Variants in C3orf38 observed in about 807,000 individuals in gnomAD.
C3orf38 encodes the protein chromosome 3 open reading frame 38.
Under a neutral mutation model 28.3 loss-of-function variants are expected in C3orf38, and 18 were observed. The ratio of observed to expected loss-of-function variants is 0.64; its 90% CI spans 0.44 to 0.94. The LOEUF is 0.94. Ranked by LOEUF, C3orf38 falls within the 40% of genes least tolerant of loss-of-function variation. C3orf38 has a pLI of 0.00. For synonymous variants in C3orf38, 145 were observed against 138.1 expected, an observed-to-expected ratio of 1.05 and a Z score of -0.35; for missense variants, 364 against 396.4, an observed-to-expected ratio of 0.92 and a Z score of 0.69.
Position 88,156,174 on chromosome 3 carries a change from A to T in C3orf38, c.529A>T (p.Lys177Ter). ...WGPQHFWHDV[K>*]LRFYYNTSEQ... ...ACCACAGCACTTCTGGCATGATGTG[A>T]AGCTTAGGTTTTATTACAACACATC... The change falls in exon 3 of 3, where the codon AAG becomes TAG. Residue 177 changes from lysine to a stop codon, truncating the protein, a stop_gained. Coordinates refer to ENST00000318887, the MANE Select transcript of C3orf38 (RefSeq NM_173824.4). LOFTEE classifies it high-confidence loss of function. The T allele has an allele frequency of 6.2e-7, 1 of 1,613,850 alleles. No individual in the cohort carries two copies. The highest frequency in any genetic ancestry group is 1.6e-4 in the Middle Eastern group (1 of 6,062).
chr3:88,154,599 G>C (rs562573191), intron 2 of C3orf38, among the ~76,000 whole-genome samples: 1 of 152,250 alleles, frequency 6.6e-6, no homozygotes, highest in African/African-American at 2.4e-5. Context: ...TTCACACTAG[G>C]AAAGAATCTT....
At chr3:88,152,511 C>A (rs1289726987) in intron 1 of C3orf38, among the ~76,000 whole-genome samples, 3 of 151,800 alleles carry the variant, frequency 2.0e-5, no homozygotes, top group African/African-American at 7.3e-5. Context: ...ACCTGTAATC[C>A]CAGCACTTTG....
intron 2 of C3orf38, among the ~76,000 whole-genome samples, chr3:88,154,206 A>AG (rs1427626681): frequency 2.6e-5 from 4 of 152,070 alleles, no homozygotes; most frequent in Non-Finnish European, 5.9e-5. Flanking sequence ...TTTAAAAAAA[A>AG]TTTTCTTTTA....
At chr3:88,155,121 A>G (rs544828114) in intron 2 of C3orf38, among the ~76,000 whole-genome samples, 1 of 152,102 alleles carries the variant, frequency 6.6e-6, no homozygotes, top group Non-Finnish European at 1.5e-5. Context: ...CAGCCTCCCA[A>G]AGTGCCGGGA....
In C3orf38 at chr3:88,156,099, C is replaced by G. The variant is rs1707475993; in HGVS notation, c.454C>G (p.Leu152Val). The G allele has an allele frequency of 1.2e-6, 2 of 1,601,134 alleles. No individual in the cohort carries two copies. Among genetic ancestry groups the G allele is most frequent in the Non-Finnish European group, 1.7e-6 (2 of 1,175,396 alleles). Residue 152 changes from leucine to valine, a missense_variant, in exon 3 of 3, where the codon CTT (leucine) becomes GTT (valine). Transcript: ENST00000318887. ...GEEFCHWFFG[L>V]LNSQNPFLGP... ...AGAATTCTGTCATTGGTTCTTTGGACTTCTTAATTCTCAGAATCCTTTTCT... is the reference window on the plus strand; with the variant it reads ...AGAATTCTGTCATTGGTTCTTTGGAGTTCTTAATTCTCAGAATCCTTTTCT...
chr3:88,154,498 G>A (rs1387480251), intron 2 of C3orf38, among the ~76,000 whole-genome samples: 1 of 151,752 alleles, frequency 6.6e-6, no homozygotes, highest in Non-Finnish European at 1.5e-5. Flanking sequence ...TTTAAGTGTT[G>A]CTTGAATTAA....
At chr3:88,153,521 T>C in intron 2 of C3orf38, 50 bp downstream of exon 2, 1 of 1,589,208 alleles carries the variant, frequency 6.3e-7, no homozygotes. Context: ...TGTCTGAAAC[T>C]TTGTTGATAA....
intron 1 of C3orf38, 82 bp from the exon 2 acceptor site, chr3:88,153,146 CAT>C (rs2107930941): frequency 1.6e-6 from 2 of 1,272,586 alleles, no homozygotes; most frequent in African/African-American, 1.5e-5. Context: ...AGTTTATAAA[CAT>C]ATTTGATAGA....
At chr3:88,151,311 A>AAAT (rs1707408919) in intron 1 of C3orf38, among the ~76,000 whole-genome samples, 1 of 149,888 alleles carries the variant, frequency 6.7e-6, no homozygotes, top group African/African-American at 2.4e-5. Flanking sequence ...GATTGGAAAA[A>AAAT]ATATATATAT....
rs948888919 is a variant in C3orf38 at position 88,156,171 on chromosome 3, G to A, written c.526G>A (p.Val176Met). 1 of 1,613,904 alleles carries A rather than the reference G, an allele frequency of 6.2e-7. No individual in the cohort carries two copies. The highest frequency in any genetic ancestry group is 8.5e-7 in the Non-Finnish European group (1 of 1,179,958). ...GGGACCACAGCACTTCTGGCATGAT[G>A]TGAAGCTTAGGTTTTATTACAACAC... ...EWGPQHFWHDVKLRFYYNTSE... is the reference protein window; with the variant it reads ...EWGPQHFWHDMKLRFYYNTSE... Residue 176 changes from valine to methionine, a missense_variant, in exon 3 of 3, where the codon GTG (valine) becomes ATG (methionine). Physicochemically the swap from Val to Met is conservative, Grantham distance 21. Coordinates refer to ENST00000318887, the MANE Select transcript of C3orf38 (RefSeq NM_173824.4).
rs1334547403 is a variant in C3orf38, at chr3:88,156,754, A to T, written c.*119A>T. ...ATACAGAAACTCTTCCAAATACTAT[A>T]TCAGTAATGTCTGAATGATTTCAGA... On this transcript the variant is annotated 3_prime_UTR_variant, in exon 3 of 3. Coordinates refer to ENST00000318887, the MANE Select transcript of C3orf38 (RefSeq NM_173824.4). 1.0e-6 allele frequency: 1 copy of T among 1,000,372 alleles called. No individual in the cohort carries two copies. The highest frequency in any genetic ancestry group is 1.5e-6 in the Non-Finnish European group (1 of 683,524). 62.0% of individuals were successfully genotyped at this position (1,000,372 alleles called of 1,614,324 possible). A position where few individuals can be genotyped will look rare whatever the true frequency, so the allele number is the denominator to read the frequency against.
rs574978125 is a variant in C3orf38, at chr3:88,156,696, C to A, written c.*61C>A. 6.6e-7 allele frequency: 1 copy of A among 1,520,842 alleles called. No individual in the cohort carries two copies. Among genetic ancestry groups the A allele is most frequent in the Non-Finnish European group, 8.8e-7 (1 of 1,132,598 alleles). The allele number at this position is 1,520,842 out of a possible 1,614,324, so 94.2% of individuals were successfully genotyped here. On this transcript the variant is annotated 3_prime_UTR_variant, in exon 3 of 3. Transcript: ENST00000318887. ...ACTGGGTTTACCTGACCCTCTAAAGCGCTAAGTACTGTCAGCCTGAAAAAA... is the reference window on the plus strand; with the variant it reads ...ACTGGGTTTACCTGACCCTCTAAAGAGCTAAGTACTGTCAGCCTGAAAAAA...
Position 88,156,841 on chromosome 3 carries a change from G to A in C3orf38, c.*206G>A, listed in dbSNP as rs1707486351. The A allele has an allele frequency of 1.9e-6, 1 of 523,676 alleles. No homozygotes were observed. Among genetic ancestry groups the A allele is most frequent in the Admixed American group, 3.7e-5 (1 of 27,078 alleles). The allele number at this position is 523,676 out of a possible 1,614,324, so 32.4% of individuals were successfully genotyped here. A position where few individuals can be genotyped will look rare whatever the true frequency, so the allele number is the denominator to read the frequency against. On this transcript the variant is annotated 3_prime_UTR_variant, in exon 3 of 3. Coordinates refer to ENST00000318887, the MANE Select transcript of C3orf38 (RefSeq NM_173824.4). Reference sequence around the variant, plus strand: ...TGGACTACAGACTTACATATCATGTGAATACTTACCTATTTCTACCCGAGT... The same window carrying A: ...TGGACTACAGACTTACATATCATGTAAATACTTACCTATTTCTACCCGAGT...
Position 88,149,994 on chromosome 3 carries a change from GGCCCAGTGGGCC to G in C3orf38, c.-57_-46del. On this transcript the variant is annotated 5_prime_UTR_variant, in exon 1 of 3. Transcript: ENST00000318887. ...CTTCCGGTGTCTGTTGCCAGGCGCG[GGCCCAGTGGGCC>G]GTAGGGGCGACATTGTTGCCGTTGT... is the stretch of plus-strand genomic sequence containing the variant. 1 of 1,608,794 alleles carries G rather than the reference GGCCCAGTGGGCC, an allele frequency of 6.2e-7. No homozygotes were observed.
intron 1 of C3orf38, 54 bp from the exon 2 acceptor site, chr3:88,153,176 A>C: frequency 7.8e-6 from 12 of 1,539,354 alleles, no homozygotes; most frequent in Non-Finnish European, 9.7e-6. Context: ...CCCACCTGGC[A>C]CAAATTTGTA....
chr3:88,155,639 A>T (rs1349007724), intron 2 of C3orf38, among the ~76,000 whole-genome samples: 1 of 151,708 alleles, frequency 6.6e-6, no homozygotes, highest in Non-Finnish European at 1.5e-5. Flanking sequence ...TTGTATTTTT[A>T]GTAGAGACGG....
At position 88,150,098 on chromosome 3, in the gene C3orf38, A is replaced by T; in HGVS notation, c.46A>T (p.Asn16Tyr). ...LSFSEMEGCR[N>Y]LLGLLDNDEI... ...CTTTTCAGAGATGGAGGGCTGCCGTAACCTACTTGGCCTACTGGACAACGA... is the reference window on the plus strand; with the variant it reads ...CTTTTCAGAGATGGAGGGCTGCCGTTACCTACTTGGCCTACTGGACAACGA... Residue 16 changes from asparagine to tyrosine, a missense_variant, in exon 1 of 3, where the codon AAC (asparagine) becomes TAC (tyrosine). By Grantham distance (143) the Asn-to-Tyr change is moderately radical. Coordinates refer to ENST00000318887, the MANE Select transcript of C3orf38 (RefSeq NM_173824.4). 2.5e-6 allele frequency: 4 copies of T among 1,614,158 alleles called. No individual in the cohort carries two copies. Among genetic ancestry groups the T allele is most frequent in the Non-Finnish European group, 3.4e-6 (4 of 1,180,024 alleles).
chr3:88,157,797 C>G lies in C3orf38; in HGVS notation c.*1162C>G, dbSNP rs1333259691. 3.9e-5 allele frequency: 6 copies of G among 151,962 alleles called. No individual in the cohort carries two copies. Among genetic ancestry groups the G allele is most frequent in the Non-Finnish European group, 8.8e-5 (6 of 67,970 alleles). The allele number at this position is 151,962 out of a possible 1,614,324, so 9.4% of individuals were successfully genotyped here. On this transcript the variant is annotated 3_prime_UTR_variant, in exon 3 of 3. Transcript: ENST00000318887. ...ATGTGATGACGTATTGTACATGTTA[C>G]TTTTTCCTTTGCTATAATCATCTAG...
rs1707486215 is a variant in C3orf38, at chr3:88,156,834, A to G, written c.*199A>G. 5.3e-6 allele frequency: 3 copies of G among 561,988 alleles called. No individual in the cohort carries two copies. The highest frequency in any genetic ancestry group is 3.8e-5 in the African/African-American group (2 of 53,052). 34.8% of individuals were successfully genotyped at this position (561,988 alleles called of 1,614,324 possible). ...ACCTTTCTGGACTACAGACTTACAT[A>G]TCATGTGAATACTTACCTATTTCTA... is the stretch of plus-strand genomic sequence containing the variant. On this transcript the variant is annotated 3_prime_UTR_variant, in exon 3 of 3. Coordinates refer to ENST00000318887, the MANE Select transcript of C3orf38 (RefSeq NM_173824.4).
Sources: gnomAD v4.1 joint callset for allele counts (sites outside exome capture counted in the v4.1 genomes callset) on GRCh38, gnomAD v4.1.1 for gene constraint, MANE v1.5 for transcripts, NCBI Gene and HGNC (gene_info 2026-07-23, HGNC 2026-07-21) for gene names.